ZSCAN32: variants seen among roughly 807,000 people sequenced by gnomAD.
ZSCAN32 encodes the protein zinc finger and SCAN domain containing 32.
ZSCAN32 carries 52 observed loss-of-function variants against 47.4 expected under a neutral mutation model. That is an observed-to-expected ratio of 1.10 (90% CI 0.88 to 1.38). The LOEUF (loss-of-function observed/expected upper bound fraction) is 1.38. Ranked by LOEUF, ZSCAN32 falls within the 40% of genes most tolerant of loss-of-function variation. The probability of loss-of-function intolerance (pLI) is 0.00; values close to 1 mark genes in which losing one functional copy is unlikely to be tolerated. For synonymous variants in ZSCAN32, 346 were observed against 305.7 expected (o/e 1.13, Z -1.38); for missense variants, 959 against 846.0 (o/e 1.13, Z -1.66).
rs367608824 is a variant in ZSCAN32 at position 3,388,403 on chromosome 16, G to A, written c.751+1607C>T. ...ACCCTGAGGACCCAAACTGAAAACT[G>A]CAAACCAACCTCTGCCCTAGCACTC... On this transcript the variant is annotated intron_variant, in intron 5 of 6. Coordinates refer to ENST00000396852, the MANE Select transcript of ZSCAN32 (RefSeq NM_001284527.2). Among the ~76,000 whole-genome samples, 8 of 152,258 alleles carry A rather than the reference G, an allele frequency of 5.3e-5. 1 individual carries two copies. In the East Asian group the frequency reaches 7.7e-4, roughly 15 times the overall value.
At chr16:3,399,501 T>A (rs1214475892) in intron 1 of ZSCAN32, among the ~76,000 whole-genome samples, 4 of 152,224 alleles carry the variant, frequency 2.6e-5, no homozygotes, top group African/African-American at 4.8e-5. Flanking sequence ...CTTGACAACA[T>A]GTTTGGATCT....
chr16:3,384,290 ATGC>A, intron 6 of ZSCAN32, 166 bp downstream of exon 6: 4 of 911,050 alleles, frequency 4.4e-6, no homozygotes, highest in Admixed American at 2.6e-5. Context: ...GGGCTGTAAA[ATGC>A]AAGGGGAATA....
chr16:3,394,731 C>G (rs1218675190), intron 2 of ZSCAN32, among the ~76,000 whole-genome samples: 1 of 152,210 alleles, frequency 6.6e-6, no homozygotes, highest in African/African-American at 2.4e-5. Flanking sequence ...GGCCTCCTCC[C>G]TTTCTCTCAC....
intron 5 of ZSCAN32, among the ~76,000 whole-genome samples, chr16:3,389,252 C>A (rs953467073): frequency 6.6e-6 from 1 of 152,226 alleles, no homozygotes; most frequent in South Asian, 2.1e-4. Flanking sequence ...CAGGGAAAAA[C>A]CACACACCAC....
At position 3,383,355 on chromosome 16, in the gene ZSCAN32, T is replaced by C. The variant is rs565596568; in HGVS notation, c.1591A>G (p.Ser531Gly). ...TGCCGAACAAGATAAGAACTTCGGCTAAAGGTTTTCCCACATTCAGGACAT... is the reference window on the plus strand; with the variant it reads ...TGCCGAACAAGATAAGAACTTCGGCCAAAGGTTTTCCCACATTCAGGACAT... ...SQCPECGKTF[S>G]RSSYLVRHQR... Residue 531 changes from serine to glycine, a missense_variant, in exon 7 of 7, where the codon AGC (serine) becomes GGC (glycine). Physicochemically the swap from Ser to Gly is moderately conservative, Grantham distance 56. Coordinates refer to ENST00000396852, the MANE Select transcript of ZSCAN32 (RefSeq NM_001284527.2). 4 of 1,614,098 alleles carry C rather than the reference T, an allele frequency of 2.5e-6. No homozygotes were observed. The African/African-American group carries it at 4.0e-5, about 16-fold the overall frequency.
rs534267989 is a variant in ZSCAN32 at position 3,389,506 on chromosome 16, G to A, written c.751+504C>T. ...ACTGATTTGAGAAAGGCAAGAGAGC[G>A]GTCTGCTTGGCAGAACCTTCCCCAA... On this transcript the variant is annotated intron_variant, in intron 5 of 6. Coordinates refer to ENST00000396852, the MANE Select transcript of ZSCAN32 (RefSeq NM_001284527.2). 5.9e-5 allele frequency among the ~76,000 whole-genome samples: 9 copies of A among 152,286 alleles called. No individual in the cohort carries two copies. The South Asian group carries it at 8.3e-4, about 14-fold the overall frequency.
intron 4 of ZSCAN32, 97 bp downstream of exon 4, chr16:3,390,326 T>G: frequency 8.0e-6 from 11 of 1,369,306 alleles, no homozygotes; most frequent in Non-Finnish European, 1.1e-5. Flanking sequence ...AGAAGCCCCA[T>G]GGACCACACA....
At chr16:3,400,115 TAAAG>T (rs1231308378) in intron 1 of ZSCAN32, among the ~76,000 whole-genome samples, 3 of 152,216 alleles carry the variant, frequency 2.0e-5, no homozygotes, top group Non-Finnish European at 2.9e-5. Flanking sequence ...TTTTAAAAAT[TAAAG>T]AAATTTTTTT....
chr16:3,393,601 ATGAT>A (rs1325669333), intron 3 of ZSCAN32, 44 bp downstream of exon 3: 3 of 1,468,004 alleles, frequency 2.0e-6, no homozygotes, highest in Non-Finnish European at 2.7e-6. Flanking sequence ...TTTCCAGTAA[ATGAT>A]TGTTCCTCAC....
intron 2 of ZSCAN32, among the ~76,000 whole-genome samples, chr16:3,396,328 C>T (rs540438379): frequency 6.6e-6 from 1 of 152,318 alleles, no homozygotes; most frequent in South Asian, 2.1e-4. Flanking sequence ...TTCAATCCTA[C>T]CAAATTTCAT....
intron 2 of ZSCAN32, among the ~76,000 whole-genome samples, chr16:3,394,646 A>C (rs1224407330): frequency 6.6e-6 from 1 of 152,138 alleles, no homozygotes; most frequent in Admixed American, 6.6e-5. Flanking sequence ...AGCACTCTTC[A>C]GTGGCTTCCC....
intron 3 of ZSCAN32, among the ~76,000 whole-genome samples, chr16:3,393,255 A>ATATATTTTT (rs778563958): frequency 1.2e-4 from 2 of 16,164 alleles, no homozygotes; most frequent in African/African-American, 8.8e-4. Flanking sequence ...ATATATATAT[A>ATATATTTTT]TTTTTTGTTT....
intron 5 of ZSCAN32, among the ~76,000 whole-genome samples, chr16:3,388,267 C>T (rs2032245877): frequency 1.3e-5 from 2 of 152,200 alleles, no homozygotes; most frequent in Non-Finnish European, 2.9e-5. Context: ...CTCGCTCCAG[C>T]CCAAGTCATT....
intron 2 of ZSCAN32, among the ~76,000 whole-genome samples, chr16:3,394,306 A>T (rs2033159821): frequency 6.6e-6 from 1 of 152,166 alleles, no homozygotes; most frequent in Non-Finnish European, 1.5e-5. Context: ...AAGATTATTT[A>T]TATGACAGCA....
At chr16:3,390,159 A>G (rs1257335973) in intron 4 of ZSCAN32, 26 bp from the exon 5 acceptor site, 1 of 1,582,412 alleles carries the variant, frequency 6.3e-7, no homozygotes, top group Non-Finnish European at 8.6e-7. Context: ...AGCTGCTGCT[A>G]CCGATAAAAT....
chr16:3,397,402 A>G lies in ZSCAN32; in HGVS notation c.156T>C (p.His52=), dbSNP rs777388904. Residue 52 remains histidine, a synonymous_variant, in exon 2 of 7, where the codon CAT becomes CAC. Transcript: ENST00000396852. ...GTTCCCAGAGTTTGCTAAAAGCTTC[A>G]TGTGGGCCAGTTACCTCCTGGTAGC... ...QFCYQEVTGP[H]EAFSKLWELC... 9.7e-6 allele frequency: 15 copies of G among 1,553,100 alleles called. No homozygotes were observed. In the South Asian group the frequency reaches 1.5e-4, roughly 16 times the overall value.
chr16:3,395,507 A>G (rs889224185), intron 2 of ZSCAN32, among the ~76,000 whole-genome samples: 35 of 152,124 alleles, frequency 2.3e-4, no homozygotes, highest in African/African-American at 8.2e-4. Context: ...GAAGGAGGAC[A>G]TGTTTGCTTC....
chr16:3,391,691 A>C (rs957595310), intron 3 of ZSCAN32, among the ~76,000 whole-genome samples: 4 of 148,090 alleles, frequency 2.7e-5, no homozygotes, highest in Non-Finnish European at 6.0e-5. Flanking sequence ...AAAAAAAAAA[A>C]AAAAAACAAA....
At chr16:3,386,629 A>G (rs886106965) in intron 5 of ZSCAN32, among the ~76,000 whole-genome samples, 7 of 152,356 alleles carry the variant, frequency 4.6e-5, no homozygotes, top group African/African-American at 1.7e-4. Context: ...TGATGAGTTC[A>G]TGTCCTTTGT....
Sources: allele counts gnomAD v4.1 joint callset (sites outside exome capture counted in the v4.1 genomes callset), GRCh38; gene constraint gnomAD v4.1.1; transcripts MANE v1.5; gene names NCBI Gene and HGNC (gene_info 2026-07-23, HGNC 2026-07-21).